ARSB: variants seen among roughly 807,000 people sequenced by gnomAD.
ARSB encodes the protein arylsulfatase B, also known as N-acetylgalactosamine-4-sulfatase.
A neutral mutation model predicts 50.9 loss-of-function variants in ARSB; 41 were observed. That is an observed-to-expected ratio of 0.81 (90% CI 0.63 to 1.04). The LOEUF is 1.04. Among genes scored for constraint, ARSB ranks in the 50% least tolerant of loss-of-function variants. ARSB has a pLI of 0.00. For missense variants in ARSB, 672 were observed against 693.3 expected, an observed-to-expected ratio of 0.97 and a Z score of 0.35; for synonymous variants, 269 against 284.8, an observed-to-expected ratio of 0.94 and a Z score of 0.56.
intron 4 of ARSB, among the ~76,000 whole-genome samples, chr5:78,930,590 T>C (rs1750278650): frequency 6.6e-6 from 1 of 152,134 alleles, no homozygotes. Context: ...AATAAACCTG[T>C]GGTGCCAATA....
chr5:78,844,336 C>G (rs1346705849), intron 5 of ARSB, among the ~76,000 whole-genome samples: 2 of 151,992 alleles, frequency 1.3e-5, no homozygotes, highest in Non-Finnish European at 2.9e-5. Flanking sequence ...ATTTATATAT[C>G]CTCTTTGGAG....
At chr5:78,915,261 A>C (rs1443143750) in intron 4 of ARSB, among the ~76,000 whole-genome samples, 1 of 151,540 alleles carries the variant, frequency 6.6e-6, no homozygotes, top group Non-Finnish European at 1.5e-5. Flanking sequence ...AATCAATTAA[A>C]ATTGACACAA....
chr5:78,791,318 C>T (rs1355523321), intron 6 of ARSB, among the ~76,000 whole-genome samples: 1 of 152,144 alleles, frequency 6.6e-6, no homozygotes, highest in Non-Finnish European at 1.5e-5. Flanking sequence ...TTAAAAGTTC[C>T]TAAAAGTAGC....
intron 6 of ARSB, among the ~76,000 whole-genome samples, chr5:78,782,317 A>T (rs1330341161): frequency 6.6e-6 from 1 of 152,236 alleles, no homozygotes; most frequent in Non-Finnish European, 1.5e-5. Context: ...TTGGCTGTTA[A>T]ACATTTAAAC....
At chr5:78,880,092 C>T (rs1163701064) in intron 5 of ARSB, among the ~76,000 whole-genome samples, 2 of 152,090 alleles carry the variant, frequency 1.3e-5, no homozygotes, top group African/African-American at 4.8e-5. Context: ...TACTGAAGAA[C>T]GTGCCCCTGT....
At position 78,851,372 on chromosome 5, in the gene ARSB, G is replaced by A. The variant is rs527470521; in HGVS notation, c.1143-11946C>T. 1.4e-4 allele frequency among the ~76,000 whole-genome samples: 21 copies of A among 152,292 alleles called. No homozygotes were observed. The East Asian group carries it at 2.5e-3, about 18-fold the overall frequency. ...AGTTTCCATGTAGTTGAGCAGTTTT[G>A]AGTGAGTTTCTGAATCCTGAGTTCT... On this transcript the variant is annotated intron_variant, in intron 5 of 7. Coordinates refer to ENST00000264914, the MANE Select transcript of ARSB (RefSeq NM_000046.5).
intron 5 of ARSB, among the ~76,000 whole-genome samples, chr5:78,846,735 C>T (rs569951879): frequency 4.9e-4 from 74 of 152,116 alleles, no homozygotes; most frequent in African/African-American, 1.7e-3. Flanking sequence ...TTTGGAGGTC[C>T]TTTATTTCTT....
At chr5:78,875,105 C>T (rs760154900) in intron 5 of ARSB, among the ~76,000 whole-genome samples, 1 of 152,074 alleles carries the variant, frequency 6.6e-6, no homozygotes, top group Non-Finnish European at 1.5e-5. Flanking sequence ...AAATTGAGAC[C>T]TTGTCTCTGT....
At chr5:78,862,203 T>C (rs961513294) in intron 5 of ARSB, among the ~76,000 whole-genome samples, 3 of 152,150 alleles carry the variant, frequency 2.0e-5, no homozygotes, top group African/African-American at 7.2e-5. Context: ...AGGTAATTTA[T>C]ACATTCAGTG....
intron 6 of ARSB, among the ~76,000 whole-genome samples, chr5:78,819,505 T>C (rs993639271): frequency 2.0e-5 from 3 of 152,218 alleles, no homozygotes; most frequent in African/African-American, 4.8e-5. Context: ...AAATTCTGAA[T>C]CATGAAGGAA....
chr5:78,869,315 A>G (rs908664084), intron 5 of ARSB, among the ~76,000 whole-genome samples: 1 of 136,604 alleles, frequency 7.3e-6, no homozygotes, highest in African/African-American at 2.8e-5. Flanking sequence ...AAGCGGACCT[A>G]ATAGACATCT....
Position 78,894,615 on chromosome 5 carries a change from A to T in ARSB, c.899-8788T>A, listed in dbSNP as rs73769404. On this transcript the variant is annotated intron_variant, in intron 4 of 7. Coordinates refer to ENST00000264914, the MANE Select transcript of ARSB (RefSeq NM_000046.5). ...ACACTGATGAGCACAATCCTCCCTGAAGAATAACCGGAGAGTAAAACATTT... is the reference window on the plus strand; with the variant it reads ...ACACTGATGAGCACAATCCTCCCTGTAGAATAACCGGAGAGTAAAACATTT... Among the ~76,000 whole-genome samples, 861 of 152,370 alleles carry T rather than the reference A, an allele frequency of 5.7e-3. 12 individuals carry two copies. The highest frequency in any genetic ancestry group is 0.02 in the African/African-American group (829 of 41,588).
intron 1 of ARSB, among the ~76,000 whole-genome samples, chr5:78,975,541 T>C (rs894590561): frequency 6.6e-6 from 1 of 152,214 alleles, no homozygotes; most frequent in Non-Finnish European, 1.5e-5. Flanking sequence ...TGCCAAGGTT[T>C]ATGGAGTTCT....
chr5:78,833,823 C>T (rs77591593), intron 6 of ARSB, among the ~76,000 whole-genome samples: 26 of 152,262 alleles, frequency 1.7e-4, no homozygotes, highest in African/African-American at 3.1e-4. Flanking sequence ...CTTTTCTGGC[C>T]GATCTTTTCA....
At chr5:78,898,241 G>C (rs1350564333) in intron 4 of ARSB, among the ~76,000 whole-genome samples, 1 of 152,220 alleles carries the variant, frequency 6.6e-6, no homozygotes, top group Non-Finnish European at 1.5e-5. Context: ...ACTCCAGCCT[G>C]GGCGACAGAG....
At chr5:78,814,401 C>T (rs1743917157) in intron 6 of ARSB, among the ~76,000 whole-genome samples, 1 of 150,950 alleles carries the variant, frequency 6.6e-6, no homozygotes, top group Non-Finnish European at 1.5e-5. Flanking sequence ...ACCTGTGGGT[C>T]AAAAAGGATC....
intron 4 of ARSB, among the ~76,000 whole-genome samples, chr5:78,947,632 A>T (rs1289717226): frequency 6.6e-6 from 1 of 152,156 alleles, no homozygotes; most frequent in Non-Finnish European, 1.5e-5. Flanking sequence ...ACAGGTAATA[A>T]TGAATGCTGG....
intron 4 of ARSB, among the ~76,000 whole-genome samples, chr5:78,887,241 C>A (rs1234539181): frequency 6.6e-6 from 1 of 152,126 alleles, no homozygotes; most frequent in Non-Finnish European, 1.5e-5. Context: ...TTTTGTGCTG[C>A]ATCATAACAT....
At chr5:78,984,713 G>C (rs1753070754) in intron 1 of ARSB, among the ~76,000 whole-genome samples, 1 of 151,984 alleles carries the variant, frequency 6.6e-6, no homozygotes, top group South Asian at 2.1e-4. Flanking sequence ...CCGGCGGCCG[G>C]GGCGCGGGTC....
Sources: allele counts gnomAD v4.1 joint callset (sites outside exome capture counted in the v4.1 genomes callset), GRCh38; gene constraint gnomAD v4.1.1; transcripts MANE v1.5; gene names NCBI Gene and HGNC (gene_info 2026-07-23, HGNC 2026-07-21).